EPS15L1: variants seen among roughly 807,000 people sequenced by gnomAD.
The protein encoded by EPS15L1 is epidermal growth factor receptor pathway substrate 15 like 1, also known as epidermal growth factor receptor substrate 15-like 1.
In EPS15L1, 43 loss-of-function variants were observed where a neutral mutation model predicts 117.1. That is an observed-to-expected ratio of 0.37 (90% CI 0.29 to 0.47). The LOEUF is 0.47. EPS15L1 is among the 20% of genes least tolerant of loss of function. The probability of loss-of-function intolerance (pLI) is 0.99; values close to 1 mark genes in which losing one functional copy is unlikely to be tolerated. For synonymous variants in EPS15L1, 459 were observed against 470.5 expected (o/e 0.98, Z 0.32); for missense variants, 981 against 1,164.0 (o/e 0.84, Z 2.29).
intron 13 of EPS15L1, among the ~76,000 whole-genome samples, chr19:16,410,383 G>A (rs2092696056): frequency 6.6e-6 from 1 of 152,138 alleles, no homozygotes; most frequent in South Asian, 2.1e-4. Context: ...GTGAGGCTGT[G>A]CAGAGCTGGC....
chr19:16,418,173 T>C, intron 10 of EPS15L1, 69 bp from the exon 11 acceptor site: 1 of 1,512,566 alleles, frequency 6.6e-7, no homozygotes, highest in Non-Finnish European at 8.9e-7. Flanking sequence ...AAGTCACCGA[T>C]CCCTTGCTTT....
At chr19:16,355,991 G>A in intron 23 of EPS15L1, 140 bp from the exon 24 acceptor site, 2 of 1,085,600 alleles carry the variant, frequency 1.8e-6, no homozygotes, top group East Asian at 2.6e-5. Context: ...GGATAAGCAT[G>A]TCTTGGCTGG....
intron 1 of EPS15L1, among the ~76,000 whole-genome samples, chr19:16,464,949 G>C (rs1243459305): frequency 6.6e-6 from 1 of 151,850 alleles, no homozygotes. Flanking sequence ...TGTGGTGGCG[G>C]GTGCCTGTAG....
intron 7 of EPS15L1, among the ~76,000 whole-genome samples, chr19:16,433,666 CA>C (rs901577516): frequency 5.8e-4 from 87 of 150,062 alleles, no homozygotes; most frequent in Admixed American, 1.1e-3. Context: ...TCTAAAAACT[CA>C]AAAAAAGAAA....
chr19:16,432,747 G>T (rs1326854619), intron 7 of EPS15L1, among the ~76,000 whole-genome samples: 1 of 151,964 alleles, frequency 6.6e-6, no homozygotes, highest in Non-Finnish European at 1.5e-5. Context: ...CTCCAGCCTG[G>T]GTGACAGAGC....
intron 16 of EPS15L1, among the ~76,000 whole-genome samples, chr19:16,397,161 C>G (rs931246215): frequency 2.6e-5 from 4 of 151,992 alleles, no homozygotes; most frequent in Non-Finnish European, 5.9e-5. Context: ...GTGATCTCGG[C>G]TCACTGCAAC....
chr19:16,458,377 C>A (rs1446591536), intron 1 of EPS15L1, among the ~76,000 whole-genome samples: 1 of 152,158 alleles, frequency 6.6e-6, no homozygotes, highest in African/African-American at 2.4e-5. Flanking sequence ...CACACACCAA[C>A]ACAGAAGAGC....
intron 10 of EPS15L1, among the ~76,000 whole-genome samples, chr19:16,418,587 GAAGA>G (rs2092783359): frequency 1.3e-5 from 2 of 152,298 alleles, no homozygotes; most frequent in East Asian, 3.9e-4. Context: ...TCATCATGAT[GAAGA>G]AAGAATCAGC....
chr19:16,421,524 C>A (rs749829046), intron 9 of EPS15L1, 48 bp from the exon 10 acceptor site: 1 of 1,569,480 alleles, frequency 6.4e-7, no homozygotes, highest in South Asian at 1.1e-5. Context: ...TTTTTATGAC[C>A]CCCAGACACA....
intron 22 of EPS15L1, among the ~76,000 whole-genome samples, chr19:16,369,695 G>GTGTGTGTT (rs1555738761): frequency 3.9e-5 from 6 of 152,020 alleles, no homozygotes; most frequent in African/African-American, 1.4e-4. Context: ...GTGTGTGTGT[G>GTGTGTGTT]TGTGTGTGTG....
At chr19:16,452,544 C>T (rs1156240079) in intron 1 of EPS15L1, among the ~76,000 whole-genome samples, 1 of 149,458 alleles carries the variant, frequency 6.7e-6, no homozygotes, top group Admixed American at 6.7e-5. Context: ...TGCCTGAGGC[C>T]AGGAATTCCA....
intron 19 of EPS15L1, among the ~76,000 whole-genome samples, chr19:16,389,922 G>T (rs377351934): frequency 1.3e-5 from 2 of 151,880 alleles, no homozygotes; most frequent in East Asian, 3.9e-4. Flanking sequence ...AAGGCCAATA[G>T]ACAGAATTCA....
Position 16,395,354 on chromosome 19 carries a change from G to T in EPS15L1, c.1905C>A (p.Asp635Glu). ...PFKSDPFKGA[D>E]PFKGDPFQND... ...TAGCAAGTGAGATACCTTTGAAGGG[G>T]TCAGCTCCTTTAAATGGGTCAGATT... is the stretch of plus-strand genomic sequence containing the variant. The change falls in exon 17 of 24, where the codon GAC becomes GAA. Residue 635 changes from aspartate to glutamate, a missense_variant. This residue lies in a region of EPS15L1 where 819 missense variants were observed against 949.0 expected (regional missense o/e 0.86). Transcript: ENST00000455140. 1 of 1,614,008 alleles carries T rather than the reference G, an allele frequency of 6.2e-7. No homozygotes were observed. The highest frequency in any genetic ancestry group is 1.1e-5 in the South Asian group (1 of 91,082).
Position 16,413,758 on chromosome 19 carries a change from G to C in EPS15L1, c.1266+15C>G. The C allele has an allele frequency of 6.2e-7, 1 of 1,611,000 alleles. No individual in the cohort carries two copies. The highest frequency in any genetic ancestry group is 8.5e-7 in the Non-Finnish European group (1 of 1,177,212). On this transcript the variant is annotated intron_variant, in intron 13 of 23. Transcript: ENST00000455140. ...AGCACAAAGTAGATGTAACCAAAAC[G>C]AACGAGACCCTTACCTGCACCTCGC...
intron 1 of EPS15L1, 32 bp from the exon 2 acceptor site, chr19:16,442,251 G>A (rs1370828778): frequency 1.2e-6 from 2 of 1,601,682 alleles, no homozygotes; most frequent in Non-Finnish European, 1.7e-6. Flanking sequence ...TTGGTCAAAA[G>A]TGAACACAAC....
chr19:16,363,272 C>T (rs1257596416), intron 22 of EPS15L1, among the ~76,000 whole-genome samples: 1 of 152,200 alleles, frequency 6.6e-6, no homozygotes, highest in African/African-American at 2.4e-5. Flanking sequence ...GGCGTGTTAA[C>T]TCTGGAAGTT....
At chr19:16,407,579 G>C (rs2092668713) in intron 13 of EPS15L1, among the ~76,000 whole-genome samples, 9 of 152,206 alleles carry the variant, frequency 5.9e-5, no homozygotes, top group Admixed American at 5.2e-4. Flanking sequence ...GCCAGACTCA[G>C]TCTCCCAAAG....
chr19:16,370,831 G>A lies in EPS15L1; in HGVS notation c.2380+6291C>T, dbSNP rs1280748906. Among the ~76,000 whole-genome samples, 5 of 152,180 alleles carry A rather than the reference G, an allele frequency of 3.3e-5. No homozygotes were observed. Among genetic ancestry groups the A allele is most frequent in the Admixed American group, 3.3e-4 (5 of 15,284 alleles). On this transcript the variant is annotated intron_variant, in intron 22 of 23. Transcript: ENST00000455140. This position sits in a 1 kb window ranked among gnomAD's most constrained non-coding sequence, Gnocchi z 5.2. ...AGAGGGCTCAGACGGAAGCTCTGAA[G>A]CTTCCTTGAACACAGCAGTGCTGGG...
chr19:16,440,825 C>G (rs1322010065), intron 4 of EPS15L1, 37 bp downstream of exon 4: 9 of 1,597,336 alleles, frequency 5.6e-6, no homozygotes, highest in Non-Finnish European at 7.7e-6. Flanking sequence ...GGGCTCTGCC[C>G]AGCCCCTCCA....
Sources: gnomAD v4.1 joint callset for allele counts (sites outside exome capture counted in the v4.1 genomes callset) on GRCh38, gnomAD v4.1.1 for gene constraint, gnomAD v4.1.1 regional missense constraint, Gnocchi (gnomAD v3.1) non-coding constraint, MANE v1.5 for transcripts, NCBI Gene and HGNC (gene_info 2026-07-23, HGNC 2026-07-21) for gene names.